The following CFH variants were observed in gnomAD, a reference collection of about 807,000 sequenced individuals.
The protein encoded by CFH is complement factor H.
A neutral mutation model predicts 147.3 loss-of-function variants in CFH; 53 were observed. That is an observed-to-expected ratio of 0.36 (90% CI 0.29 to 0.45). The LOEUF is 0.45. Ranked by LOEUF, CFH falls within the 20% of genes least tolerant of loss-of-function variation. The probability of loss-of-function intolerance (pLI) is 1.00; values close to 1 mark genes in which losing one functional copy is unlikely to be tolerated. For synonymous variants in CFH, 536 were observed against 489.4 expected, an observed-to-expected ratio of 1.10 and a Z score of -1.26; for missense variants, 1,380 against 1,498.0, an observed-to-expected ratio of 0.92 and a Z score of 1.30.
In CFH at chr1:196,728,130, G is replaced by A. The variant is rs184203661; in HGVS notation, c.2237-216G>A. Among the ~76,000 whole-genome samples the A allele has an allele frequency of 4.2e-3, 633 of 152,018 alleles. 6 individuals are homozygous for A. The highest frequency in any genetic ancestry group is 0.013 in the South Asian group (63 of 4,814). On this transcript the variant is annotated intron_variant, in intron 14 of 21. Transcript: ENST00000367429. ...CAAAGAATAAAATGTCTTCTGATAG[G>A]TATCTCTAACATTTCAGCGACAGAA...
chr1:196,746,300 A>G (rs1290528049), intron 21 of CFH, among the ~76,000 whole-genome samples: 3 of 151,962 alleles, frequency 2.0e-5, no homozygotes, highest in Admixed American at 6.6e-5. Context: ...CAAAATAATA[A>G]TAATAACCGG....
At chr1:196,740,830 A>T in intron 18 of CFH, 38 bp downstream of exon 18, 1 of 1,581,040 alleles carries the variant, frequency 6.3e-7, no homozygotes, top group Non-Finnish European at 8.7e-7. Flanking sequence ...TATGATAAAT[A>T]TTCTTCATTC....
At chr1:196,745,732 A>G (rs1331263124) in intron 20 of CFH, 85 bp from the exon 21 acceptor site, 1 of 1,562,972 alleles carries the variant, frequency 6.4e-7, no homozygotes, top group Non-Finnish European at 8.8e-7. Context: ...TATTATATAC[A>G]GTGCTGTGTT....
intron 11 of CFH, among the ~76,000 whole-genome samples, chr1:196,721,008 T>C (rs1668984788): frequency 6.6e-6 from 1 of 152,018 alleles, no homozygotes; most frequent in African/African-American, 2.4e-5. Flanking sequence ...GTGTCTAATG[T>C]AAGATGATAA....
chr1:196,720,264 C>A, intron 11 of CFH, among the ~76,000 whole-genome samples: 1 of 151,872 alleles, frequency 6.6e-6, no homozygotes. Flanking sequence ...ATGATGTGTT[C>A]TTTTATTTTT....
At chr1:196,689,954 T>A in intron 8 of CFH, 109 bp from the exon 9 acceptor site, 3 of 1,240,224 alleles carry the variant, frequency 2.4e-6, no homozygotes, top group South Asian at 3.1e-5. Flanking sequence ...TATTTTTGGA[T>A]GTTTATGCAA....
intron 9 of CFH, chr1:196,700,683 A>T: frequency 4.1e-6 from 1 of 241,340 alleles, no homozygotes; most frequent in Non-Finnish European, 6.7e-6. Flanking sequence ...AGAAAAAAAA[A>T]TTCATGGCAA....
intron 1 of CFH, among the ~76,000 whole-genome samples, chr1:196,666,388 G>A (rs1345365604): frequency 6.6e-6 from 1 of 151,722 alleles, no homozygotes; most frequent in African/African-American, 2.4e-5. Flanking sequence ...TCTCTAATCA[G>A]TGCTTCAGCA....
chr1:196,742,143 G>C (rs1420402573), intron 19 of CFH, 92 bp downstream of exon 19: 2 of 1,223,586 alleles, frequency 1.6e-6, no homozygotes, highest in Non-Finnish European at 2.4e-6. Context: ...GGGAGGCCGA[G>C]GTGGGCGGAT....
intron 11 of CFH, among the ~76,000 whole-genome samples, chr1:196,719,318 A>C (rs1280350566): frequency 6.6e-6 from 1 of 152,040 alleles, no homozygotes; most frequent in Non-Finnish European, 1.5e-5. Context: ...GACAGAATTT[A>C]TATAAAATTA....
At chr1:196,683,164 AAGC>A (rs1362990727) in intron 6 of CFH, among the ~76,000 whole-genome samples, 1 of 151,568 alleles carries the variant, frequency 6.6e-6, no homozygotes, top group Non-Finnish European at 1.5e-5. Flanking sequence ...TATAAAAGAA[AAGC>A]ATCACTTAGA....
chr1:196,652,187 AG>A lies in CFH; in HGVS notation c.58+13del, dbSNP rs758102483. On this transcript the variant is annotated intron_variant, in intron 1 of 21. Coordinates refer to ENST00000367429, the MANE Select transcript of CFH (RefSeq NM_000186.4). ...TTGTGTAGCAGAAGGTAAGATTAAAAGAGACTCTTTTCTGAAAACTGTATTA... is the reference window on the plus strand; with the variant it reads ...TTGTGTAGCAGAAGGTAAGATTAAAAAGACTCTTTTCTGAAAACTGTATTA... 1 of 1,590,648 alleles carries A rather than the reference AG, an allele frequency of 6.3e-7. No homozygotes were observed. The highest frequency in any genetic ancestry group is 8.6e-7 in the Non-Finnish European group (1 of 1,158,880).
At chr1:196,732,595 T>C (rs981644676) in intron 15 of CFH, among the ~76,000 whole-genome samples, 16 of 152,050 alleles carry the variant, frequency 1.1e-4, no homozygotes, top group Admixed American at 5.9e-4. Flanking sequence ...CTCAGTCTTA[T>C]CAGACTGGCT....
chr1:196,675,849 A>G (rs1353386794), intron 3 of CFH, 140 bp from the exon 4 acceptor site: 1 of 550,654 alleles, frequency 1.8e-6, no homozygotes, highest in African/African-American at 1.9e-5. Flanking sequence ...GGAAAAACAA[A>G]CAAGAAACAA....
chr1:196,693,739 A>G (rs1668148357), intron 9 of CFH, among the ~76,000 whole-genome samples: 2 of 152,160 alleles, frequency 1.3e-5, no homozygotes, highest in South Asian at 4.1e-4. Context: ...ATAGGATTTC[A>G]TCACACTACC....
intron 9 of CFH, among the ~76,000 whole-genome samples, chr1:196,710,202 C>G (rs1668693212): frequency 6.6e-6 from 1 of 152,148 alleles, no homozygotes; most frequent in Admixed American, 6.6e-5. Context: ...CCATGATCCC[C>G]TTAAGGTCTC....
intron 9 of CFH, among the ~76,000 whole-genome samples, chr1:196,710,011 A>G (rs1668686596): frequency 7.0e-6 from 1 of 143,268 alleles, no homozygotes; most frequent in Admixed American, 7.3e-5. Context: ...CATCTTGCTC[A>G]AAAACAAAAC....
At chr1:196,673,808 A>T (rs746806917) in intron 2 of CFH, 49 bp from the exon 3 acceptor site, 1 of 1,135,894 alleles carries the variant, frequency 8.8e-7, no homozygotes, top group Non-Finnish European at 1.3e-6. Context: ...TACATAAAAT[A>T]TATTCCTTGC....
intron 9 of CFH, among the ~76,000 whole-genome samples, chr1:196,711,167 CTTTA>C (rs1013541942): frequency 1.8e-4 from 28 of 152,036 alleles, no homozygotes; most frequent in African/African-American, 6.7e-4. Flanking sequence ...ATATTTACTT[CTTTA>C]TTATTTCATC....
Sources: allele counts gnomAD v4.1 joint callset (sites outside exome capture counted in the v4.1 genomes callset), GRCh38; gene constraint gnomAD v4.1.1; transcripts MANE v1.5; gene names NCBI Gene and HGNC (gene_info 2026-07-23, HGNC 2026-07-21).